B3GLCT: variants seen among roughly 807,000 people sequenced by gnomAD.
B3GLCT encodes beta-1,3-glucosyltransferase.
A neutral mutation model predicts 63.4 loss-of-function variants in B3GLCT; 65 were observed. The ratio of observed to expected loss-of-function variants is 1.03; its 90% CI spans 0.84 to 1.26. The LOEUF (loss-of-function observed/expected upper bound fraction) is 1.26. Among genes scored for constraint, B3GLCT ranks in the 50% most tolerant of loss-of-function variants. The pLI is 0.00. For synonymous variants in B3GLCT, 233 were observed against 219.2 expected, an observed-to-expected ratio of 1.06 and a Z score of -0.55; for missense variants, 577 against 604.8, an observed-to-expected ratio of 0.95 and a Z score of 0.48.
At chr13:31,302,006 G>C (rs114339617) in intron 12 of B3GLCT, among the ~76,000 whole-genome samples, 2 of 151,914 alleles carry the variant, frequency 1.3e-5, no homozygotes, top group African/African-American at 4.8e-5. Flanking sequence ...AATGTTTTCT[G>C]TATTCATCTT....
intron 14 of B3GLCT, among the ~76,000 whole-genome samples, chr13:31,329,154 A>C (rs1456941838): frequency 6.6e-6 from 1 of 152,222 alleles, no homozygotes; most frequent in Non-Finnish European, 1.5e-5. Flanking sequence ...CTGGAACATA[A>C]CAGTTTTTCT....
At chr13:31,259,459 A>G (rs995696456) in intron 6 of B3GLCT, among the ~76,000 whole-genome samples, 4 of 151,888 alleles carry the variant, frequency 2.6e-5, no homozygotes, top group East Asian at 1.9e-4. Context: ...CTGAACTCCA[A>G]CCTTGATCTC....
At chr13:31,316,847 C>T (rs1875061912) in intron 12 of B3GLCT, among the ~76,000 whole-genome samples, 1 of 152,008 alleles carries the variant, frequency 6.6e-6, no homozygotes, top group Non-Finnish European at 1.5e-5. Context: ...TTTTTATGAC[C>T]AACTCACGGA....
intron 14 of B3GLCT, 23 bp from the exon 15 acceptor site, chr13:31,329,478 C>T (rs1483560622): frequency 6.2e-7 from 1 of 1,613,928 alleles, no homozygotes; most frequent in South Asian, 1.1e-5. Context: ...ACAAGGAAGC[C>T]TAACTCTCTA....
At chr13:31,275,205 A>G (rs1466283335) in intron 9 of B3GLCT, among the ~76,000 whole-genome samples, 2 of 152,224 alleles carry the variant, frequency 1.3e-5, no homozygotes, top group Admixed American at 1.3e-4. Flanking sequence ...TGTGCCAAGT[A>G]AGAACTATAT....
At chr13:31,297,901 A>G (rs567029102) in intron 12 of B3GLCT, among the ~76,000 whole-genome samples, 6 of 152,270 alleles carry the variant, frequency 3.9e-5, no homozygotes, top group Middle Eastern at 6.8e-3. Flanking sequence ...AGGGTGAGGT[A>G]TGAGAGAAGG....
intron 9 of B3GLCT, among the ~76,000 whole-genome samples, chr13:31,275,794 C>A (rs1310466106): frequency 6.6e-6 from 1 of 152,136 alleles, no homozygotes; most frequent in Admixed American, 6.5e-5. Flanking sequence ...GACACACACA[C>A]ACACGCACAC....
At chr13:31,245,903 A>G (rs933073710) in intron 4 of B3GLCT, among the ~76,000 whole-genome samples, 1 of 152,206 alleles carries the variant, frequency 6.6e-6, no homozygotes, top group Non-Finnish European at 1.5e-5. Context: ...TCTTTCTAAC[A>G]TACCACATTG....
At chr13:31,284,972 A>G (rs1166813097) in intron 11 of B3GLCT, among the ~76,000 whole-genome samples, 1 of 152,198 alleles carries the variant, frequency 6.6e-6, no homozygotes, top group Non-Finnish European at 1.5e-5. Flanking sequence ...TATATCCTAT[A>G]ATTGAGCACA....
chr13:31,289,619 GA>G (rs58718938), intron 12 of B3GLCT, among the ~76,000 whole-genome samples: 139,719 of 150,296 alleles, frequency 0.93, 65,542 homozygotes, highest in East Asian at 1. Context: ...CGTGCTAAAA[GA>G]AAAAAAAAAA....
At chr13:31,243,857 A>G (rs1871068061) in intron 4 of B3GLCT, among the ~76,000 whole-genome samples, 1 of 152,246 alleles carries the variant, frequency 6.6e-6, no homozygotes, top group Non-Finnish European at 1.5e-5. Context: ...AGATAAATAG[A>G]GTTGACATGA....
At chr13:31,212,175 C>G (rs1869297102) in intron 1 of B3GLCT, among the ~76,000 whole-genome samples, 1 of 150,934 alleles carries the variant, frequency 6.6e-6, no homozygotes, top group Non-Finnish European at 1.5e-5. Flanking sequence ...ATGATTATAG[C>G]TCACTGCAAA....
intron 9 of B3GLCT, among the ~76,000 whole-genome samples, 164 bp from the exon 10 acceptor site, chr13:31,276,538 C>T (rs1405493948): frequency 1.3e-5 from 2 of 152,108 alleles, no homozygotes; most frequent in Non-Finnish European, 2.9e-5. Context: ...GCTATGTTGT[C>T]AGCTGACCTA....
At chr13:31,316,430 T>TATATATATATATATATATATATAA (rs1298458509) in intron 12 of B3GLCT, among the ~76,000 whole-genome samples, 2 of 118,192 alleles carry the variant, frequency 1.7e-5, no homozygotes, top group South Asian at 2.9e-4. Context: ...TATATATATA[T>TATATATATATATATATATATATAA]AAATTTTTTT....
At position 31,247,033 on chromosome 13, in the gene B3GLCT, G is replaced by A; in HGVS notation, c.281G>A (p.Ser94Asn). ...TCATTGTTTTCTCAGGAGCTCCCCA[G>A]TGTCCTCCTCCTTCATCAGCTGGCT... ...QAADLTQELP[S>N]VLLLHQLAKQ... The change falls in exon 5 of 15, where the codon AGT (serine) becomes AAT (asparagine). Residue 94 changes from serine to asparagine, a missense_variant. By Grantham distance (46) the Ser-to-Asn change is conservative (BLOSUM62 1). Coordinates refer to ENST00000343307, the MANE Select transcript of B3GLCT (RefSeq NM_194318.4). 1 of 1,608,076 alleles carries A rather than the reference G, an allele frequency of 6.2e-7. No homozygotes were observed. The highest frequency in any genetic ancestry group is 8.5e-7 in the Non-Finnish European group (1 of 1,178,784).
chr13:31,215,184 C>A, intron 2 of B3GLCT, 84 bp downstream of exon 2: 2 of 1,299,602 alleles, frequency 1.5e-6, no homozygotes, highest in Non-Finnish European at 2.2e-6. Flanking sequence ...TCATTTCATT[C>A]TTCAATTGTT....
chr13:31,200,144 C>T lies in B3GLCT; in HGVS notation c.60C>T (p.Thr20=). 1.5e-6 allele frequency: 2 copies of T among 1,358,408 alleles called. No homozygotes were observed. Among genetic ancestry groups the T allele is most frequent in the Non-Finnish European group, 1.9e-6 (2 of 1,045,200 alleles). 84.1% of individuals were successfully genotyped at this position (1,358,408 alleles called of 1,614,324 possible). The change falls in exon 1 of 15, where the codon ACC becomes ACT. Residue 20 remains threonine (T), a synonymous_variant. Coordinates refer to ENST00000343307, the MANE Select transcript of B3GLCT (RefSeq NM_194318.4). The part of the protein sequence containing the change: ...LAPPALLALL[T]CSLAFGLASE... ...CGCCGGCGCTGCTCGCGCTCCTCACCTGCTCCCTGGGTAAGTAGCGGGCGG... is the reference window on the plus strand; with the variant it reads ...CGCCGGCGCTGCTCGCGCTCCTCACTTGCTCCCTGGGTAAGTAGCGGGCGG...
chr13:31,223,616 G>A (rs992470728), intron 3 of B3GLCT, among the ~76,000 whole-genome samples: 2 of 152,140 alleles, frequency 1.3e-5, no homozygotes, highest in African/African-American at 2.4e-5. Context: ...GTGACCAGGA[G>A]TTAGACTTTA....
chr13:31,260,431 A>G (rs1354573498), intron 6 of B3GLCT: 1 of 154,458 alleles, frequency 6.5e-6, no homozygotes, highest in East Asian at 1.9e-4. Flanking sequence ...TTCAGTCACT[A>G]CCTGAAGTTA....
Sources: allele counts gnomAD v4.1 joint callset (sites outside exome capture counted in the v4.1 genomes callset), GRCh38; gene constraint gnomAD v4.1.1; transcripts MANE v1.5; gene names NCBI Gene and HGNC (gene_info 2026-07-23, HGNC 2026-07-21).